Variants in PACRGL observed in about 807,000 individuals in gnomAD.
PACRGL encodes PACRG-like protein.
In PACRGL, 38 loss-of-function variants were observed where a neutral mutation model predicts 34.5. The ratio of observed to expected loss-of-function variants is 1.10; its 90% CI spans 0.85 to 1.44. The LOEUF is 1.44. PACRGL is among the 40% of genes most tolerant of loss of function. PACRGL has a pLI of 0.00. For missense variants in PACRGL, 305 were observed against 281.4 expected (o/e 1.08, Z -0.60); for synonymous variants, 128 against 100.1 (o/e 1.28, Z -1.66).
At chr4:20,742,001 C>T (rs1751237311) in intron 8 of PACRGL, among the ~76,000 whole-genome samples, 1 of 152,278 alleles carries the variant, frequency 6.6e-6, no homozygotes, top group Non-Finnish European at 1.5e-5. Context: ...CACATACACC[C>T]TCCCAAGACT....
the PACRGL span, among the ~76,000 whole-genome samples, chr4:20,760,686 A>G: frequency 6.6e-6 from 1 of 152,142 alleles, no homozygotes; most frequent in Non-Finnish European, 1.5e-5. Flanking sequence ...GTGGCAAAGC[A>G]CTTTGTTACA....
At chr4:20,738,129 CAAAA>C (rs200429048) in intron 8 of PACRGL, among the ~76,000 whole-genome samples, 1 of 115,560 alleles carries the variant, frequency 8.7e-6, no homozygotes, top group African/African-American at 3.2e-5. Flanking sequence ...GACTCTGTCT[CAAAA>C]AAAAAAAAAA....
At chr4:20,708,672 T>C (rs1018418785) in intron 4 of PACRGL, among the ~76,000 whole-genome samples, 3 of 152,062 alleles carry the variant, frequency 2.0e-5, no homozygotes, top group East Asian at 1.9e-4. Flanking sequence ...CTTACTCTTA[T>C]GAAAATAAGC....
At chr4:20,707,365 C>A (rs533537901) in intron 3 of PACRGL, among the ~76,000 whole-genome samples, 3 of 152,166 alleles carry the variant, frequency 2.0e-5, no homozygotes, top group African/African-American at 7.2e-5. Flanking sequence ...TCCTGCCCAG[C>A]GCAATCCTTT....
chr4:20,733,572 T>C (rs1298877984), downstream of PACRGL, among the ~76,000 whole-genome samples: 1 of 152,206 alleles, frequency 6.6e-6, no homozygotes, highest in Non-Finnish European at 1.5e-5. Flanking sequence ...TAAGATGTTT[T>C]AAGCATAGAT....
rs751305557 is a variant in PACRGL, at chr4:20,704,721, A to G, written c.114A>G (p.Gly38=). 6.2e-7 allele frequency: 1 copy of G among 1,614,130 alleles called. No individual in the cohort carries two copies. Among genetic ancestry groups the G allele is most frequent in the East Asian group, 2.2e-5 (1 of 44,868 alleles). ...TAAAACACAGGAATGCAGTTCAGGGAAGCAAATCCTCATTGTCAACCAGTT... is the reference window on the plus strand; with the variant it reads ...TAAAACACAGGAATGCAGTTCAGGGGAGCAAATCCTCATTGTCAACCAGTT... ...TQLKHRNAVQ[G]SKSSLSTSSP... is the part of the protein sequence containing the mutation. The change falls in exon 3 of 9, where the codon GGA becomes GGG. Residue 38 remains glycine, a synonymous_variant. Transcript: ENST00000503585.
intron 5 of PACRGL, among the ~76,000 whole-genome samples, chr4:20,710,435 T>C (rs1736642136): frequency 6.6e-6 from 1 of 152,220 alleles, no homozygotes; most frequent in African/African-American, 2.4e-5. Context: ...AGTTGTCTTG[T>C]ATTTAAACTT....
chr4:20,718,770 C>G (rs978256648), intron 7 of PACRGL: 2 of 152,244 alleles, frequency 1.3e-5, no homozygotes, highest in African/African-American at 4.8e-5. Flanking sequence ...TGATGTTCAT[C>G]AGGGATATTG....
intron 8 of PACRGL, among the ~76,000 whole-genome samples, chr4:20,749,153 T>TC (rs369683632): frequency 0.01 from 1,493 of 146,694 alleles, 19 homozygotes; most frequent in Non-Finnish European, 0.012. Flanking sequence ...GCGAGACTCT[T>TC]TCAAAAAAAA....
In PACRGL at chr4:20,730,695, C is replaced by G. The variant is rs1747871461; in HGVS notation, c.*3354C>G. 6.6e-6 allele frequency among the ~76,000 whole-genome samples: 1 copy of G among 152,150 alleles called. No individual in the cohort carries two copies. The highest frequency in any genetic ancestry group is 1.5e-5 in the Non-Finnish European group (1 of 68,024). ...GAGCCTTTAAAAATGAATGGTCTCT[C>G]AATTACAGAGAAAGAATTGGGGAGC... On this transcript the variant is annotated 3_prime_UTR_variant, in exon 9 of 9. Transcript: ENST00000503585.
rs888638953 is a variant in PACRGL, at chr4:20,729,570, GT to G, written c.*2236del. On this transcript the variant is annotated 3_prime_UTR_variant, in exon 9 of 9. Transcript: ENST00000503585. ...AAGGCCATAGAAACTGGAACTATGT[GT>G]TTTTTTAATTGTTGTAATCTTGTTT... 1 of 148,622 alleles carries G rather than the reference GT, an allele frequency of 6.7e-6. No individual in the cohort carries two copies. Among genetic ancestry groups the G allele is most frequent in the Non-Finnish European group, 1.5e-5 (1 of 67,282 alleles). 9.2% of individuals were successfully genotyped at this position (148,622 alleles called of 1,614,324 possible). A position where few individuals can be genotyped will look rare whatever the true frequency, so the allele number is the denominator to read the frequency against.
chr4:20,747,077 A>G (rs999009590), intron 8 of PACRGL, among the ~76,000 whole-genome samples: 1 of 152,214 alleles, frequency 6.6e-6, no homozygotes, highest in Admixed American at 6.5e-5. Flanking sequence ...ACCAACATGC[A>G]TATCATATAT....
At chr4:20,755,105 T>G (rs1284364479), downstream of PACRGL, among the ~76,000 whole-genome samples, 2 of 152,146 alleles carry the variant, frequency 1.3e-5, no homozygotes, top group East Asian at 3.9e-4. Flanking sequence ...GTCTGTGGTT[T>G]GTTAGAAGGG....
chr4:20,735,194 T>C (rs910078601), downstream of PACRGL, among the ~76,000 whole-genome samples: 4 of 152,210 alleles, frequency 2.6e-5, no homozygotes, highest in African/African-American at 7.2e-5. Flanking sequence ...CCAGTTATAA[T>C]TTACATGTGG....
At chr4:20,717,585 T>C (rs1200506645) in intron 7 of PACRGL, among the ~76,000 whole-genome samples, 1 of 152,218 alleles carries the variant, frequency 6.6e-6, no homozygotes, top group African/African-American at 2.4e-5. Context: ...ATTTATTAAA[T>C]AGGGAATCCT....
intron 7 of PACRGL, among the ~76,000 whole-genome samples, chr4:20,718,092 A>G (rs1422542938): frequency 6.6e-6 from 1 of 151,938 alleles, no homozygotes; most frequent in South Asian, 2.1e-4. Flanking sequence ...ATTCTCTTTG[A>G]GGCAGTTGTG....
Position 20,732,026 on chromosome 4 carries a change from A to G in PACRGL, c.*4685A>G, listed in dbSNP as rs1355898256. The G allele has an allele frequency of 6.2e-7, 1 of 1,613,366 alleles. No homozygotes were observed. The highest frequency in any genetic ancestry group is 8.5e-7 in the Non-Finnish European group (1 of 1,179,700). The stretch of plus-strand genomic sequence containing the variant: ...CTTACTTTTTGGCAGCTTTCAATGA[A>G]CTCATCTATGGTAACAACCCCATCT... On this transcript the variant is annotated 3_prime_UTR_variant, in exon 9 of 9. Coordinates refer to ENST00000503585, the MANE Select transcript of PACRGL (RefSeq NM_001258345.3).
rs904534626 is a variant in PACRGL at position 20,727,806 on chromosome 4, A to G, written c.*465A>G. ...CTTTTAAAAAATTGTTTTAAAAGAG[A>G]AAAGCGGTCTTGCTTTGTTGCCCAG... On this transcript the variant is annotated 3_prime_UTR_variant, in exon 9 of 9. Transcript: ENST00000503585. The G allele has an allele frequency of 5.8e-5, 9 of 155,976 alleles. No individual in the cohort carries two copies. The highest frequency in any genetic ancestry group is 2.2e-4 in the African/African-American group (9 of 41,480). 9.7% of individuals were successfully genotyped at this position (155,976 alleles called of 1,614,324 possible).
At chr4:20,718,462 T>C (rs1741255496) in intron 7 of PACRGL, among the ~76,000 whole-genome samples, 2 of 152,154 alleles carry the variant, frequency 1.3e-5, no homozygotes, top group South Asian at 4.1e-4. Context: ...ATATTGGTTG[T>C]GGGTGTGTCA....
Sources: allele counts gnomAD v4.1 joint callset (sites outside exome capture counted in the v4.1 genomes callset), GRCh38; gene constraint gnomAD v4.1.1; transcripts MANE v1.5; gene names NCBI Gene and HGNC (gene_info 2026-07-23, HGNC 2026-07-21).